Variants in PKHD1L1 observed in about 807,000 individuals in gnomAD.
PKHD1L1 encodes the protein PKHD1 like 1.
In PKHD1L1, 434 loss-of-function variants were observed where a neutral mutation model predicts 462.9. That is an observed-to-expected ratio of 0.94 (90% CI 0.87 to 1.02). The LOEUF (loss-of-function observed/expected upper bound fraction) is 1.02. PKHD1L1 is among the 50% of genes least tolerant of loss of function. The pLI is 0.00. For missense variants in PKHD1L1, 5,202 were observed against 5,096.1 expected (o/e 1.02, Z -0.63); for synonymous variants, 1,781 against 1,750.0 (o/e 1.02, Z -0.44).
chr8:109,461,518 T>A (rs1271760857), intron 47 of PKHD1L1, among the ~76,000 whole-genome samples: 10 of 152,202 alleles, frequency 6.6e-5, no homozygotes, highest in Admixed American at 6.6e-4. Context: ...ATTCCCTTGA[T>A]CATTCAAATA....
In PKHD1L1 at chr8:109,497,056, A is replaced by T. The variant is rs1362990621; in HGVS notation, c.10465A>T (p.Ile3489Phe). The change falls in exon 64 of 78, where the codon ATT becomes TTT. Residue 3489 changes from isoleucine to phenylalanine, a missense_variant. Physicochemically the swap from Ile to Phe is conservative, Grantham distance 21. Around this residue, in one of 3 missense-constraint regions of PKHD1L1, gnomAD observed 4,497 missense variants for 4,336.8 expected, o/e 1.04. Coordinates refer to ENST00000378402, the MANE Select transcript of PKHD1L1 (RefSeq NM_177531.6). ...CATTTGGACATGCTGGGATTATGGA[A>T]TTTATTTTCAGGTAATTATGATTAA... is the stretch of plus-strand genomic sequence containing the variant. ...FTIWTCWDYG[I>F]YFQTTESVHI... is the part of the protein sequence containing the mutation. 6.2e-7 allele frequency: 1 copy of T among 1,613,306 alleles called. No individual in the cohort carries two copies. The highest frequency in any genetic ancestry group is 8.5e-7 in the Non-Finnish European group (1 of 1,179,614).
intron 2 of PKHD1L1, among the ~76,000 whole-genome samples, chr8:109,378,027 A>G (rs530399004): frequency 6.6e-6 from 1 of 152,236 alleles, no homozygotes; most frequent in South Asian, 2.1e-4. Flanking sequence ...ATGCAAATAT[A>G]CTGTTATTCT....
intron 61 of PKHD1L1, among the ~76,000 whole-genome samples, 158 bp downstream of exon 61, chr8:109,491,259 T>C (rs904491340): frequency 2.6e-5 from 4 of 151,918 alleles, no homozygotes; most frequent in Non-Finnish European, 4.4e-5. Context: ...TATGTGTCTA[T>C]TGAGCACTTG....
chr8:109,489,851 A>AT lies in PKHD1L1; in HGVS notation c.9881-95dup, dbSNP rs561375436. 6.2e-4 allele frequency: 467 copies of AT among 756,668 alleles called. 5 individuals carry two copies. In the East Asian group the frequency reaches 0.012, roughly 20 times the overall value. 46.9% of individuals were successfully genotyped at this position (756,668 alleles called of 1,614,324 possible). On this transcript the variant is annotated intron_variant, in intron 59 of 77. Transcript: ENST00000378402. Reference sequence around the variant, plus strand: ...TGGATTAAAGGAGCAAAGAATAATGATTTTTTCATGAAAAATTTGAACAAC... The same window carrying AT: ...TGGATTAAAGGAGCAAAGAATAATGATTTTTTTCATGAAAAATTTGAACAAC...
Position 109,521,504 on chromosome 8 carries a change from G to A in PKHD1L1, c.12032-682G>A, listed in dbSNP as rs377496295. 1.8e-3 allele frequency among the ~76,000 whole-genome samples: 276 copies of A among 152,314 alleles called. 2 individuals carry two copies. Among genetic ancestry groups the A allele is most frequent in the African/African-American group, 6.3e-3 (263 of 41,578 alleles). ...AAATTGGTAATGGATTAGATGTGGT[G>A]TAGTGGAGAGGTGAAGGAGCAGGGA... On this transcript the variant is annotated intron_variant, in intron 73 of 77. Coordinates refer to ENST00000378402, the MANE Select transcript of PKHD1L1 (RefSeq NM_177531.6).
At chr8:109,447,570 C>T (rs144484133) in intron 38 of PKHD1L1, among the ~76,000 whole-genome samples, 1 of 152,318 alleles carries the variant, frequency 6.6e-6, no homozygotes, top group East Asian at 1.9e-4. Flanking sequence ...TATGTGCACT[C>T]ATTCAAGGCA....
At chr8:109,416,272 T>A (rs1814165500) in intron 21 of PKHD1L1, among the ~76,000 whole-genome samples, 1 of 141,418 alleles carries the variant, frequency 7.1e-6, no homozygotes, top group South Asian at 2.2e-4. Flanking sequence ...TATCTACACA[T>A]GTTTCCACAG....
intron 77 of PKHD1L1, among the ~76,000 whole-genome samples, chr8:109,529,492 T>C (rs1056537465): frequency 2.0e-5 from 3 of 152,212 alleles, no homozygotes; most frequent in African/African-American, 7.2e-5. Flanking sequence ...GCTCAATATA[T>C]ATTTGTGCAT....
intron 71 of PKHD1L1, 146 bp from the exon 72 acceptor site, chr8:109,515,024 A>T: frequency 1.8e-6 from 1 of 557,786 alleles, no homozygotes; most frequent in Non-Finnish European, 2.9e-6. Context: ...AGCCCATTTT[A>T]AAATTTTAGT....
intron 32 of PKHD1L1, among the ~76,000 whole-genome samples, chr8:109,439,859 CA>C (rs1173517031): frequency 4.6e-5 from 7 of 152,058 alleles, no homozygotes; most frequent in Non-Finnish European, 7.4e-5. Context: ...GAGATGATTG[CA>C]GCAAAATCTT....
intron 27 of PKHD1L1, 68 bp from the exon 28 acceptor site, chr8:109,433,038 T>C (rs1815198574): frequency 8.9e-7 from 1 of 1,126,214 alleles, no homozygotes. Flanking sequence ...TTGAGAAATG[T>C]CTGATTTCAT....
chr8:109,518,263 C>T lies in PKHD1L1; in HGVS notation c.11786C>T (p.Pro3929Leu), dbSNP rs1402229939. 2 of 1,610,838 alleles carry T rather than the reference C, an allele frequency of 1.2e-6. No homozygotes were observed. Among genetic ancestry groups the T allele is most frequent in the Non-Finnish European group, 8.5e-7 (1 of 1,177,346 alleles). ...MLYLLVKGTIPVEIHTATVIF... is the reference protein window; with the variant it reads ...MLYLLVKGTILVEIHTATVIF... ...TATCTTTTGGTTAAAGGAACTATAC[C>T]TGTTGAAATTCACACTGCCACAGTG... The change falls in exon 73 of 78, where the codon CCT becomes CTT. Residue 3929 changes from proline (P) to leucine (L), a missense_variant. This residue lies in a region of PKHD1L1 where 698 missense variants were observed against 736.3 expected (regional missense o/e 0.95). Transcript: ENST00000378402.
intron 2 of PKHD1L1, among the ~76,000 whole-genome samples, chr8:109,371,413 C>T (rs1194901255): frequency 6.6e-6 from 1 of 151,322 alleles, no homozygotes; most frequent in Non-Finnish European, 1.5e-5. Context: ...AGCCCTTTGT[C>T]AGATGAGTAG....
intron 6 of PKHD1L1, 143 bp downstream of exon 6, chr8:109,385,773 G>T: frequency 1.9e-6 from 1 of 513,384 alleles, no homozygotes. Flanking sequence ...ATTATAGAAA[G>T]TAAAACAGAC....
chr8:109,386,050 A>T (rs796703967), intron 6 of PKHD1L1, among the ~76,000 whole-genome samples: 4 of 152,312 alleles, frequency 2.6e-5, no homozygotes, highest in African/African-American at 9.6e-5. Context: ...CTCGTAACAC[A>T]GTTTTGACAC....
Position 109,445,032 on chromosome 8 carries a change from T to C in PKHD1L1, c.5163T>C (p.Leu1721=). ...ECETSPAAQQ[L]VDVDLLIHGV... ...AAACATCCCCTGCTGCCCAACAGCT[T>C]GTGGATGTAGATCTTCTAATACATG... is the stretch of plus-strand genomic sequence containing the variant. Residue 1721 remains leucine, a synonymous_variant, in exon 38 of 78, where the codon CTT becomes CTC. Coordinates refer to ENST00000378402, the MANE Select transcript of PKHD1L1 (RefSeq NM_177531.6). 1 of 1,614,002 alleles carries C rather than the reference T, an allele frequency of 6.2e-7. No homozygotes were observed. Among genetic ancestry groups the C allele is most frequent in the East Asian group, 2.2e-5 (1 of 44,876 alleles).
At chr8:109,526,134 G>T (rs1449398172) in intron 76 of PKHD1L1, among the ~76,000 whole-genome samples, 1 of 152,138 alleles carries the variant, frequency 6.6e-6, no homozygotes, top group Non-Finnish European at 1.5e-5. Context: ...AATAATATTG[G>T]ATGAGCTCTT....
chr8:109,375,813 G>A (rs1177062179), intron 2 of PKHD1L1, among the ~76,000 whole-genome samples: 1 of 152,202 alleles, frequency 6.6e-6, no homozygotes, highest in Non-Finnish European at 1.5e-5. Context: ...CTGCAGAACA[G>A]TGGATATTTG....
At chr8:109,374,866 A>T (rs1039763539) in intron 2 of PKHD1L1, among the ~76,000 whole-genome samples, 2 of 152,304 alleles carry the variant, frequency 1.3e-5, no homozygotes, top group African/African-American at 4.8e-5. Flanking sequence ...CTGCCGAGAG[A>T]TCAGCTGTTA....
Sources: gnomAD v4.1 joint callset for allele counts (sites outside exome capture counted in the v4.1 genomes callset) on GRCh38, gnomAD v4.1.1 for gene constraint, gnomAD v4.1.1 regional missense constraint, MANE v1.5 for transcripts, NCBI Gene and HGNC (gene_info 2026-07-23, HGNC 2026-07-21) for gene names.